ZNF469: variants seen among roughly 807,000 people sequenced by gnomAD.
The protein encoded by ZNF469 is zinc finger protein 469.
Under a neutral mutation model 1.0 loss-of-function variants are expected in ZNF469, and 1 was observed. The observed-to-expected ratio is 1.00, with a 90% CI of 0.35 to 4.73. The LOEUF (loss-of-function observed/expected upper bound fraction) is 4.73. ZNF469 is among the 30% of genes most tolerant of loss of function. ZNF469 has a pLI of 0.16. For synonymous variants in ZNF469, 2,703 were observed against 2,363.4 expected, an observed-to-expected ratio of 1.14 and a Z score of -4.17; for missense variants, 6,100 against 5,356.3, an observed-to-expected ratio of 1.14 and a Z score of -4.33.
rs1420466264 is a variant in ZNF469 at position 88,430,610 on chromosome 16, G to A, written c.3140G>A (p.Gly1047Asp). The A allele has an allele frequency of 1.3e-6, 2 of 1,501,476 alleles. No homozygotes were observed. Among genetic ancestry groups the A allele is most frequent in the South Asian group, 2.5e-5 (2 of 80,490 alleles). 93.0% of individuals were successfully genotyped at this position (1,501,476 alleles called of 1,614,324 possible). Residue 1047 changes from glycine to aspartate, a missense_variant, in exon 3 of 3, where the codon GGC (glycine) becomes GAC (aspartate). Physicochemically the swap from Gly to Asp is moderately conservative, Grantham distance 94 (BLOSUM62 -1). Coordinates refer to ENST00000565624, the MANE Select transcript of ZNF469 (RefSeq NM_001367624.2). ...AGGAAGGCTCGGGGCGGCGCCTGGG[G>A]CAAGGAGCTCATTCTGAAGATCGTG... ...RKRKARGGAW[G>D]KELILKIVQQ...
At chr16:88,298,880 G>A in the ZNF469 span, among the ~76,000 whole-genome samples, 1 of 152,216 alleles carries the variant, frequency 6.6e-6, no homozygotes, top group Non-Finnish European at 1.5e-5. Flanking sequence ...TTTTCCCTCT[G>A]AGGGGTGATC....
the ZNF469 span, among the ~76,000 whole-genome samples, chr16:88,245,038 C>A: frequency 6.6e-6 from 1 of 152,112 alleles, no homozygotes; most frequent in Admixed American, 6.5e-5. Context: ...TCCTGAGCAG[C>A]AGGACACACC....
upstream of ZNF469, among the ~76,000 whole-genome samples, chr16:88,380,557 TCA>T (rs374378842): frequency 0.069 from 7,326 of 105,760 alleles, 456 homozygotes; most frequent in African/African-American, 0.18. Flanking sequence ...AGACATGCAC[TCA>T]CACACAGACG....
rs1906428274 is a variant in ZNF469 at position 88,434,499 on chromosome 16, G to A, written c.7029G>A (p.Gln2343=). The change falls in exon 3 of 3, where the codon CAG becomes CAA. Residue 2343 remains glutamine, a synonymous_variant. Transcript: ENST00000565624. The part of the protein sequence containing the change: ...NTARLGHREG[Q]AVTAVPTEPP... ...CCCGCCTCGGCCACAGGGAGGGCCA[G>A]GCTGTCACAGCTGTGCCCACTGAGC... 6.5e-7 allele frequency: 1 copy of A among 1,550,208 alleles called. No homozygotes were observed.
In ZNF469 at chr16:88,435,487, G is replaced by C. The variant is rs988538767; in HGVS notation, c.8017G>C (p.Ala2673Pro). 6 of 1,548,974 alleles carry C rather than the reference G, an allele frequency of 3.9e-6. No individual in the cohort carries two copies. In the Admixed American group the frequency reaches 9.8e-5, roughly 25 times the overall value. The change falls in exon 3 of 3, where the codon GCC (alanine) becomes CCC (proline). Residue 2673 changes from alanine to proline, a missense_variant. Ala to Pro is a conservative substitution (Grantham distance 27). Transcript: ENST00000565624. ...ATCCCCTGCAATGGCCAGTTACGCA[G>C]CCTCTCCGAGCCACTGCCTCTCTGT... ...RPSPAMASYA[A>P]SPSHCLSVEG...
At position 88,439,228 on chromosome 16, in the gene ZNF469, C is replaced by T; in HGVS notation, c.11758C>T (p.His3920Tyr). 2 of 1,550,490 alleles carry T rather than the reference C, an allele frequency of 1.3e-6. No homozygotes were observed. The highest frequency in any genetic ancestry group is 1.7e-6 in the Non-Finnish European group (2 of 1,146,990). ...AVHGAEPAEP[H>Y]THRTAEAQSD... is the part of the protein sequence containing the mutation. ...CCACGGTGCTGAACCTGCCGAGCCA[C>T]ACACCCACCGGACGGCCGAGGCCCA... Residue 3920 changes from histidine (H) to tyrosine (Y), a missense_variant, in exon 3 of 3, where the codon CAC (histidine) becomes TAC (tyrosine). Transcript: ENST00000565624.
the ZNF469 span, among the ~76,000 whole-genome samples, chr16:88,288,813 CAAAT>C: frequency 6.6e-6 from 1 of 151,250 alleles, no homozygotes; most frequent in African/African-American, 2.4e-5. Flanking sequence ...AAAAGGATGA[CAAAT>C]AAAAGTAAAA....
the ZNF469 span, among the ~76,000 whole-genome samples, chr16:88,159,580 C>A: frequency 5.9e-5 from 9 of 152,142 alleles, 1 homozygote; most frequent in Admixed American, 5.9e-4. Context: ...AGCCCTTCCC[C>A]GCATTCTCGT....
rs575793447 is a variant in ZNF469, at chr16:88,414,289, C to T, written c.-191-10518C>T. Among the ~76,000 whole-genome samples, 586 of 152,364 alleles carry T rather than the reference C, an allele frequency of 3.8e-3. 4 individuals are homozygous for T. Among genetic ancestry groups the T allele is most frequent in the Non-Finnish European group, 5.0e-3 (343 of 68,028 alleles). On this transcript the variant is annotated intron_variant, in intron 1 of 2. Coordinates refer to ENST00000565624, the MANE Select transcript of ZNF469 (RefSeq NM_001367624.2). Reference sequence around the variant, plus strand: ...CAGATCACGGCCACGGATCCCATCACGCCCGGGCTTCAGTCTCCAACACAA... The same window carrying T: ...CAGATCACGGCCACGGATCCCATCATGCCCGGGCTTCAGTCTCCAACACAA...
At chr16:88,191,879 AGGGGCCT>A in the ZNF469 span, 1 of 152,282 alleles carries the variant, frequency 6.6e-6, no homozygotes, top group Non-Finnish European at 1.5e-5. Context: ...TGGGGACCCC[AGGGGCCT>A]GCTATGGACA....
the ZNF469 span, among the ~76,000 whole-genome samples, chr16:88,336,973 C>T: frequency 6.6e-6 from 1 of 152,180 alleles, no homozygotes; most frequent in Non-Finnish European, 1.5e-5. Context: ...TGGCTTCTTC[C>T]ACTCGGCCCC....
At chr16:88,334,661 G>A in the ZNF469 span, among the ~76,000 whole-genome samples, 1 of 152,226 alleles carries the variant, frequency 6.6e-6, no homozygotes, top group African/African-American at 2.4e-5. Context: ...ATATAAGGGT[G>A]TCGGCAGATA....
chr16:88,323,315 G>A, the ZNF469 span, among the ~76,000 whole-genome samples: 52 of 152,292 alleles, frequency 3.4e-4, no homozygotes, highest in African/African-American at 1.2e-3. Context: ...CTCGCAGGCC[G>A]CTCAGTGGAT....
At chr16:88,212,070 A>C in the ZNF469 span, among the ~76,000 whole-genome samples, 2 of 152,170 alleles carry the variant, frequency 1.3e-5, no homozygotes, top group Non-Finnish European at 2.9e-5. Flanking sequence ...TTATTCCTTG[A>C]TGCTAGGCTA....
upstream of ZNF469, among the ~76,000 whole-genome samples, chr16:88,380,234 C>T (rs1356387851): frequency 1.3e-5 from 2 of 151,206 alleles, no homozygotes; most frequent in Admixed American, 6.6e-5. Flanking sequence ...CACAGACATG[C>T]ACTCACACAC....
the ZNF469 span, among the ~76,000 whole-genome samples, chr16:88,372,154 GTCACCATCACCATCA>G: frequency 1.3e-3 from 5 of 3,904 alleles, no homozygotes; most frequent in African/African-American, 5.4e-3. Flanking sequence ...CCCCATCATC[GTCACCATCACCATCA>G]TCACCATCAC....
the ZNF469 span, among the ~76,000 whole-genome samples, chr16:88,279,251 C>T: frequency 6.1e-5 from 9 of 147,328 alleles, no homozygotes; most frequent in African/African-American, 1.7e-4. Context: ...TGCTGTGCCA[C>T]GCCGATGCTC....
the ZNF469 span, among the ~76,000 whole-genome samples, chr16:88,214,637 A>C: frequency 6.6e-6 from 1 of 152,106 alleles, no homozygotes; most frequent in South Asian, 2.1e-4. Flanking sequence ...TATTTCTCCT[A>C]ATGTTATCCC....
chr16:88,355,865 G>A, the ZNF469 span, among the ~76,000 whole-genome samples: 1 of 152,292 alleles, frequency 6.6e-6, no homozygotes, highest in East Asian at 1.9e-4. Context: ...CCACACTTTG[G>A]GGTGCAGACA....
Sources: gnomAD v4.1 joint callset for allele counts (sites outside exome capture counted in the v4.1 genomes callset) on GRCh38, gnomAD v4.1.1 for gene constraint, MANE v1.5 for transcripts, NCBI Gene and HGNC (gene_info 2026-07-23, HGNC 2026-07-21) for gene names.